Variants in DGLUCY observed in about 807,000 individuals in gnomAD.
DGLUCY encodes D-glutamate cyclase, also known as D-glutamate cyclase, mitochondrial.
In DGLUCY, 58 loss-of-function variants were observed where a neutral mutation model predicts 58.5. That is an observed-to-expected ratio of 0.99 (90% CI 0.80 to 1.23). The LOEUF is 1.23. Ranked by LOEUF, DGLUCY falls within the 50% of genes most tolerant of loss-of-function variation. The pLI, the probability that DGLUCY is intolerant of heterozygous loss-of-function variation, is 0.00. For synonymous variants in DGLUCY, 325 were observed against 314.1 expected, an observed-to-expected ratio of 1.03 and a Z score of -0.37; for missense variants, 779 against 784.7, an observed-to-expected ratio of 0.99 and a Z score of 0.09.
intron 1 of DGLUCY, among the ~76,000 whole-genome samples, chr14:91,132,927 T>C (rs774788372): frequency 2.6e-5 from 4 of 152,142 alleles, no homozygotes; most frequent in Non-Finnish European, 4.4e-5. Context: ...AGTCCTTTTG[T>C]GTCTAGTTTC....
At chr14:91,110,045 TC>T (rs1452944982), upstream of DGLUCY, among the ~76,000 whole-genome samples, 1 of 152,266 alleles carries the variant, frequency 6.6e-6, no homozygotes, top group Admixed American at 6.5e-5. Context: ...TAATTTCTTT[TC>T]TTTTTTTCCC....
chr14:91,224,668 C>A lies in DGLUCY; in HGVS notation c.1717-16C>A, dbSNP rs373429388. The A allele has an allele frequency of 4.4e-6, 7 of 1,582,704 alleles. No individual in the cohort carries two copies. The African/African-American group carries it at 8.1e-5, about 18-fold the overall frequency. On this transcript the variant is annotated splice_polypyrimidine_tract_variant and intron_variant, in intron 13 of 13. Coordinates refer to ENST00000256324, the MANE Select transcript of DGLUCY (RefSeq NM_001102368.3). Reference sequence around the variant, plus strand: ...TCCCCCTCCACTCCTTCTATTTCTGCCCTATTTTTTTCCAGGAAGAAAAAA... The same window carrying A: ...TCCCCCTCCACTCCTTCTATTTCTGACCTATTTTTTTCCAGGAAGAAAAAA...
chr14:91,161,844 G>A (rs2140353232), intron 3 of DGLUCY, among the ~76,000 whole-genome samples: 1 of 148,434 alleles, frequency 6.7e-6, no homozygotes, highest in East Asian at 2.0e-4. Flanking sequence ...AAAAGTAATG[G>A]CAAAAACTGC....
At chr14:91,166,258 C>G (rs575278028) in intron 3 of DGLUCY, among the ~76,000 whole-genome samples, 2 of 152,256 alleles carry the variant, frequency 1.3e-5, no homozygotes, top group South Asian at 4.1e-4. Flanking sequence ...GAAGCATTAC[C>G]TACACTTTTT....
chr14:91,210,436 G>A (rs1885494300), intron 12 of DGLUCY, among the ~76,000 whole-genome samples: 2 of 152,152 alleles, frequency 1.3e-5, no homozygotes. Flanking sequence ...GGAGGCTGAG[G>A]CAGGAGGATT....
Position 91,181,265 on chromosome 14 carries a change from T to C in DGLUCY, c.810T>C (p.Cys270=). 1 of 1,614,156 alleles carries C rather than the reference T, an allele frequency of 6.2e-7. No individual in the cohort carries two copies. The highest frequency in any genetic ancestry group is 8.5e-7 in the Non-Finnish European group (1 of 1,180,024). ...AGGATGCAAAGGCTCCACCTGGTTGTCTCACCCCAGAGAGAATTCCAGAGG... is the reference window on the plus strand; with the variant it reads ...AGGATGCAAAGGCTCCACCTGGTTGCCTCACCCCAGAGAGAATTCCAGAGG... ...DLKDAKAPPG[C]LTPERIPEVH... is the part of the protein sequence containing the mutation. Residue 270 remains cysteine, a synonymous_variant, in exon 8 of 14, where the codon TGT becomes TGC. Coordinates refer to ENST00000256324, the MANE Select transcript of DGLUCY (RefSeq NM_001102368.3).
intron 1 of DGLUCY, among the ~76,000 whole-genome samples, chr14:91,080,493 C>T (rs1353120771): frequency 6.6e-6 from 1 of 152,172 alleles, no homozygotes; most frequent in African/African-American, 2.4e-5. Flanking sequence ...GCCTCAGCCT[C>T]TTGAGTAGCT....
chr14:91,116,176 T>TAA (rs539712961), intron 1 of DGLUCY, among the ~76,000 whole-genome samples: 1 of 149,354 alleles, frequency 6.7e-6, no homozygotes, highest in South Asian at 2.1e-4. Flanking sequence ...GTATTTGCAT[T>TAA]AAAAAAAAAA....
In DGLUCY at chr14:91,075,433, G is replaced by A. The variant is rs150455441; in HGVS notation, c.-82+14729G>A. On this transcript the variant is annotated intron_variant, in intron 1 of 4. Coordinates refer to the DGLUCY transcript ENST00000521334. ...GCTGGGATGGCAGGCATGAGCCACC[G>A]CACCCTACCTAGAGTCATGTTTTTA... Among the ~76,000 whole-genome samples, 6 of 152,140 alleles carry A rather than the reference G, an allele frequency of 3.9e-5. No homozygotes were observed. In the East Asian group the frequency reaches 7.7e-4, roughly 20 times the overall value.
chr14:91,210,702 T>C (rs905473925), intron 12 of DGLUCY, among the ~76,000 whole-genome samples: 15 of 151,936 alleles, frequency 9.9e-5, no homozygotes, highest in Non-Finnish European at 2.2e-4. Context: ...AAACTAGAAA[T>C]AGAGGGGAAC....
chr14:91,113,336 T>C (rs1397197273), upstream of DGLUCY, among the ~76,000 whole-genome samples: 2 of 152,122 alleles, frequency 1.3e-5, no homozygotes, highest in Non-Finnish European at 2.9e-5. Flanking sequence ...ACAAGAATTT[T>C]CGACTGCACG....
At chr14:91,118,707 A>G (rs1329353732) in intron 1 of DGLUCY, among the ~76,000 whole-genome samples, 1 of 152,206 alleles carries the variant, frequency 6.6e-6, no homozygotes, top group Non-Finnish European at 1.5e-5. Context: ...TTCACCTCCC[A>G]TCATGGCCTG....
intron 1 of DGLUCY, among the ~76,000 whole-genome samples, chr14:91,066,594 A>G (rs1443235838): frequency 1.3e-5 from 2 of 152,078 alleles, no homozygotes; most frequent in Non-Finnish European, 2.9e-5. Context: ...GAGTTCTTGA[A>G]TCCAGCCCGG....
intron 1 of DGLUCY, among the ~76,000 whole-genome samples, chr14:91,135,518 C>T (rs1253661099): frequency 3.3e-5 from 5 of 151,868 alleles, no homozygotes; most frequent in South Asian, 2.1e-4. Flanking sequence ...GGCATGGTGG[C>T]GCATGCCTAT....
chr14:91,155,231 G>A (rs1387184994), intron 1 of DGLUCY, among the ~76,000 whole-genome samples: 1 of 152,214 alleles, frequency 6.6e-6, no homozygotes, highest in Non-Finnish European at 1.5e-5. Context: ...CTGTGAGTGT[G>A]GGCTGTGACT....
chr14:91,065,925 G>A (rs2043811545), intron 1 of DGLUCY, among the ~76,000 whole-genome samples: 2 of 152,164 alleles, frequency 1.3e-5, no homozygotes, highest in Non-Finnish European at 2.9e-5. Flanking sequence ...TGAGGAAAAA[G>A]TCACTGCTCC....
At chr14:91,222,964 G>A (rs1422158648) in intron 13 of DGLUCY, among the ~76,000 whole-genome samples, 1 of 152,116 alleles carries the variant, frequency 6.6e-6, no homozygotes, top group Non-Finnish European at 1.5e-5. Context: ...CGAGAGCTCT[G>A]GTTTCTCTTT....
chr14:91,152,251 G>A (rs2047377078), intron 1 of DGLUCY, among the ~76,000 whole-genome samples: 1 of 152,022 alleles, frequency 6.6e-6, no homozygotes, highest in Admixed American at 6.6e-5. Context: ...AAATTAGCTG[G>A]GCACAGTGGT....
chr14:91,155,240 C>T (rs1309071503), intron 1 of DGLUCY, among the ~76,000 whole-genome samples: 2 of 152,200 alleles, frequency 1.3e-5, no homozygotes, highest in African/African-American at 4.8e-5. Context: ...TGGGCTGTGA[C>T]TGTCTTATTC....
Sources: gnomAD v4.1 joint callset for allele counts (sites outside exome capture counted in the v4.1 genomes callset) on GRCh38, gnomAD v4.1.1 for gene constraint, MANE v1.5 for transcripts, NCBI Gene and HGNC (gene_info 2026-07-23, HGNC 2026-07-21) for gene names.